The following P2RY2 variants were observed in gnomAD, a reference collection of about 807,000 sequenced individuals.
P2RY2 encodes P2Y purinoceptor 2.
For synonymous variants in P2RY2, 241 were observed against 231.9 expected (o/e 1.04, Z -0.35); for missense variants, 567 against 515.7 (o/e 1.10, Z -0.96).
At chr11:73,221,205 TC>T (rs752110644) in intron 1 of P2RY2, among the ~76,000 whole-genome samples, 2 of 152,236 alleles carry the variant, frequency 1.3e-5, no homozygotes, top group South Asian at 4.1e-4. Flanking sequence ...AATGCCTTCC[TC>T]CCCCACCCCC....
chr11:73,223,329 C>T (rs1862175113), intron 1 of P2RY2, among the ~76,000 whole-genome samples: 1 of 152,170 alleles, frequency 6.6e-6, no homozygotes, highest in South Asian at 2.1e-4. Flanking sequence ...ATCACAGTTC[C>T]CCTTCCAGGG....
At chr11:73,233,337 T>C (rs888296411) in intron 2 of P2RY2, among the ~76,000 whole-genome samples, 1 of 152,238 alleles carries the variant, frequency 6.6e-6, no homozygotes, top group African/African-American at 2.4e-5. Context: ...CTTCCTCAAA[T>C]ACCAGAACAC....
intron 1 of P2RY2, among the ~76,000 whole-genome samples, chr11:73,226,609 G>A (rs1289975364): frequency 4.6e-5 from 7 of 152,006 alleles, no homozygotes; most frequent in Admixed American, 6.5e-5. Context: ...CTCAGCTGTC[G>A]CAGGCCCACT....
Position 73,228,024 on chromosome 11 carries a change from G to C in P2RY2, c.-156G>C, listed in dbSNP as rs1862329149. On this transcript the variant is annotated 5_prime_UTR_variant, in exon 2 of 3. Coordinates refer to ENST00000393597, the MANE Select transcript of P2RY2 (RefSeq NM_002564.4). ...GCACTACCTGCCCAGAAAAATGCTG[G>C]AGGCTGGGCGTGGCCCCAGGCCTGG... 6.6e-6 allele frequency: 1 copy of C among 152,234 alleles called. No homozygotes were observed. The highest frequency in any genetic ancestry group is 1.5e-5 in the Non-Finnish European group (1 of 68,090). 9.4% of individuals were successfully genotyped at this position (152,234 alleles called of 1,614,324 possible).
intron 2 of P2RY2, among the ~76,000 whole-genome samples, chr11:73,229,328 C>T (rs1443985462): frequency 2.0e-5 from 3 of 152,138 alleles, no homozygotes; most frequent in Non-Finnish European, 2.9e-5. Context: ...ACAAGGCTCA[C>T]ATCTCCCCTC....
In P2RY2 at chr11:73,240,795, G is replaced by C. The variant is rs576027732; in HGVS notation, c.*5502G>C. The stretch of plus-strand genomic sequence containing the variant: ...CTGGGATAGCAGCCCAAGTGGTGTG[G>C]GTGGAGAGGTGCAGCTCATGCTCTG... On this transcript the variant is annotated 3_prime_UTR_variant, in exon 3 of 3. Coordinates refer to ENST00000393597, the MANE Select transcript of P2RY2 (RefSeq NM_002564.4). 1 of 152,496 alleles carries C rather than the reference G, an allele frequency of 6.6e-6. No homozygotes were observed. The highest frequency in any genetic ancestry group is 2.1e-4 in the South Asian group (1 of 4,832). The allele number at this position is 152,496 out of a possible 1,614,324, so 9.4% of individuals were successfully genotyped here.
At chr11:73,223,230 T>C (rs1439460304) in intron 1 of P2RY2, among the ~76,000 whole-genome samples, 1 of 152,318 alleles carries the variant, frequency 6.6e-6, no homozygotes, top group South Asian at 2.1e-4. Context: ...TGGTTCCTGG[T>C]TGATGCTTTC....
intron 2 of P2RY2, among the ~76,000 whole-genome samples, chr11:73,232,927 G>C (rs1276021002): frequency 6.6e-6 from 1 of 152,122 alleles, no homozygotes; most frequent in African/African-American, 2.4e-5. Flanking sequence ...CTGCGAGAGA[G>C]CTCTTAATTG....
intron 1 of P2RY2, among the ~76,000 whole-genome samples, chr11:73,227,289 G>A (rs922346774): frequency 1.3e-5 from 2 of 152,106 alleles, no homozygotes; most frequent in South Asian, 2.1e-4. Context: ...AGTATTCCAC[G>A]TTGTATATGT....
At chr11:73,221,982 C>T (rs1862130593) in intron 1 of P2RY2, among the ~76,000 whole-genome samples, 1 of 152,186 alleles carries the variant, frequency 6.6e-6, no homozygotes, top group African/African-American at 2.4e-5. Flanking sequence ...AGGAGTTCCT[C>T]CACCCCATCA....
rs1353614739 is a variant in P2RY2 at position 73,242,278 on chromosome 11, T to G, written c.*6985T>G. 1.3e-5 allele frequency: 2 copies of G among 152,218 alleles called. No homozygotes were observed. The highest frequency in any genetic ancestry group is 2.9e-5 in the Non-Finnish European group (2 of 68,044). 9.4% of individuals were successfully genotyped at this position (152,218 alleles called of 1,614,324 possible). ...AATTAAACTGTTAGACCTGCCTTTG[T>G]GACCAAAGCAATTGTAAAACGTGGG... On this transcript the variant is annotated 3_prime_UTR_variant, in exon 3 of 3. Coordinates refer to ENST00000393597, the MANE Select transcript of P2RY2 (RefSeq NM_002564.4).
At chr11:73,220,629 T>C (rs1035325169) in intron 1 of P2RY2, among the ~76,000 whole-genome samples, 32 of 152,190 alleles carry the variant, frequency 2.1e-4, no homozygotes, top group African/African-American at 7.7e-4. Context: ...AGTAAGATCC[T>C]GCATGGGAGA....
Position 73,236,541 on chromosome 11 carries a change from C to T in P2RY2, c.*1248C>T. 1 of 984,818 alleles carries T rather than the reference C, an allele frequency of 1.0e-6. No homozygotes were observed. Among genetic ancestry groups the T allele is most frequent in the East Asian group, 1.1e-4 (1 of 8,796 alleles). 61.0% of individuals were successfully genotyped at this position (984,818 alleles called of 1,614,324 possible). On this transcript the variant is annotated 3_prime_UTR_variant, in exon 3 of 3. Transcript: ENST00000393597. ...AGAACATCCACACACAGGATGCATC[C>T]CAGGCAAAGACATGGGGCAAGAGGG...
At chr11:73,222,390 C>T (rs1862145278) in intron 1 of P2RY2, among the ~76,000 whole-genome samples, 1 of 152,074 alleles carries the variant, frequency 6.6e-6, no homozygotes, top group Non-Finnish European at 1.5e-5. Flanking sequence ...TGGTCTCCCT[C>T]CCTCCAGACT....
Position 73,235,212 on chromosome 11 carries a change from T to C in P2RY2, c.1053T>C (p.Asp351=). 1 of 1,611,780 alleles carries C rather than the reference T, an allele frequency of 6.2e-7. No individual in the cohort carries two copies. The highest frequency in any genetic ancestry group is 8.5e-7 in the Non-Finnish European group (1 of 1,179,036). ...GAACTGACATGCAGAGGATAGAAGATGTGTTGGGCAGCAGTGAGGACTCTA... is the reference window on the plus strand; with the variant it reads ...GAACTGACATGCAGAGGATAGAAGACGTGTTGGGCAGCAGTGAGGACTCTA... ...SDRTDMQRIE[D]VLGSSEDSRR... Residue 351 remains aspartate, a synonymous_variant, in exon 3 of 3, where the codon GAT becomes GAC. Transcript: ENST00000393597.
rs1287530410 is a variant in P2RY2, at chr11:73,237,097, C to T, written c.*1804C>T. 3.0e-6 allele frequency: 3 copies of T among 985,192 alleles called. No homozygotes were observed. Among genetic ancestry groups the T allele is most frequent in the African/African-American group, 3.5e-5 (2 of 57,182 alleles). 61.0% of individuals were successfully genotyped at this position (985,192 alleles called of 1,614,324 possible). A position where few individuals can be genotyped will look rare whatever the true frequency, so the allele number is the denominator to read the frequency against. On this transcript the variant is annotated 3_prime_UTR_variant, in exon 3 of 3. Transcript: ENST00000393597. ...GTATTTGGAGCCTGACTCCACAGCG[C>T]CCTCATGTGACAGAGACCCATCACA...
At chr11:73,227,529 G>C (rs1269411491) in intron 1 of P2RY2, among the ~76,000 whole-genome samples, 2 of 152,190 alleles carry the variant, frequency 1.3e-5, no homozygotes, top group African/African-American at 2.4e-5. Context: ...GGAGGAGGGG[G>C]TCTCTAGATA....
intron 1 of P2RY2, among the ~76,000 whole-genome samples, chr11:73,220,855 C>T (rs571997545): frequency 6.6e-6 from 1 of 152,230 alleles, no homozygotes; most frequent in South Asian, 2.1e-4. Flanking sequence ...GGCTGTGGAT[C>T]CCCCAAGGAC....
Position 73,234,573 on chromosome 11 carries a change from T to A in P2RY2, c.414T>A (p.Pro138=). 1.3e-6 allele frequency: 2 copies of A among 1,582,542 alleles called. No homozygotes were observed. Among genetic ancestry groups the A allele is most frequent in the Non-Finnish European group, 8.6e-7 (1 of 1,163,538 alleles). Residue 138 remains proline, a synonymous_variant, in exon 3 of 3, where the codon CCT becomes CCA. Transcript: ENST00000393597. The part of the protein sequence containing the change: ...SVHRCLGVLR[P]LRSLRWGRAR... The stretch of plus-strand genomic sequence containing the variant: ...ACCGGTGTCTGGGCGTCTTACGACC[T>A]CTGCGCTCCCTGCGCTGGGGCCGGG...
Sources: gnomAD v4.1 joint callset for allele counts (sites outside exome capture counted in the v4.1 genomes callset) on GRCh38, gnomAD v4.1.1 for gene constraint, MANE v1.5 for transcripts, NCBI Gene and HGNC (gene_info 2026-07-23, HGNC 2026-07-21) for gene names.